The following FCHO1 variants were observed in gnomAD, a reference collection of about 807,000 sequenced individuals.
FCHO1 encodes the protein FCH and mu domain containing endocytic adaptor 1.
FCHO1 carries 45 observed loss-of-function variants against 114.4 expected under a neutral mutation model. The ratio of observed to expected loss-of-function variants is 0.39; its 90% confidence interval spans 0.31 to 0.50. FCHO1 has a LOEUF of 0.50. Ranked by LOEUF, FCHO1 falls within the 20% of genes least tolerant of loss-of-function variation. FCHO1 has a pLI of 0.77. For missense variants in FCHO1, 1,042 were observed against 1,209.6 expected (o/e 0.86, Z 2.06); for synonymous variants, 480 against 488.9 (o/e 0.98, Z 0.24).
intron 27 of FCHO1, 101 bp downstream of exon 27, chr19:17,786,730 G>A: frequency 8.0e-7 from 1 of 1,249,794 alleles, no homozygotes; most frequent in African/African-American, 1.5e-5. Context: ...CTGAGGGCGG[G>A]CAAGTATGGG....
chr19:17,749,677 T>A (rs960303338), upstream of FCHO1, among the ~76,000 whole-genome samples: 1 of 152,094 alleles, frequency 6.6e-6, no homozygotes, highest in Admixed American at 6.6e-5. Flanking sequence ...CGTGTCTCAG[T>A]TTCCCCATCG....
intron 1 of FCHO1, among the ~76,000 whole-genome samples, chr19:17,753,082 CA>C (rs901302759): frequency 2.1e-3 from 281 of 136,844 alleles, no homozygotes; most frequent in Middle Eastern, 3.8e-3. Context: ...ACCCTGTCTC[CA>C]AAAAAAAAAA....
chr19:17,749,921 G>T (rs1034513222), upstream of FCHO1, among the ~76,000 whole-genome samples: 7 of 152,174 alleles, frequency 4.6e-5, no homozygotes, highest in Non-Finnish European at 7.4e-5. Context: ...GGAAATGTGA[G>T]ATCCTGTTTC....
rs2093558230 is a variant in FCHO1, at chr19:17,782,923, G to A, written c.1938-94G>A. On this transcript the variant is annotated intron_variant, in intron 23 of 28. Coordinates refer to ENST00000596536, the MANE Select transcript of FCHO1 (RefSeq NM_015122.3). Reference sequence around the variant, plus strand: ...CATCCTCCTAGATCCGAGGAGTCTGGGGAGCCACAGGCACCAGTGAAACCA... The same window carrying A: ...CATCCTCCTAGATCCGAGGAGTCTGAGGAGCCACAGGCACCAGTGAAACCA... 1.5e-5 allele frequency: 22 copies of A among 1,422,564 alleles called. No homozygotes were observed. In the South Asian group the frequency reaches 2.9e-4, roughly 19 times the overall value. 88.1% of individuals were successfully genotyped at this position (1,422,564 alleles called of 1,614,324 possible).
At position 17,776,187 on chromosome 19, in the gene FCHO1, G is replaced by A. The variant is rs367762566; in HGVS notation, c.1182+26G>A. ...GTGAGGCGTGGGAGGGGTGCCCTGG[G>A]TGTTGCTAGAGAGGCTGGCTGGATG... On this transcript the variant is annotated intron_variant, in intron 16 of 28. Coordinates refer to ENST00000596536, the MANE Select transcript of FCHO1 (RefSeq NM_015122.3). This position sits in a 1 kb window ranked among gnomAD's most constrained non-coding sequence, Gnocchi z 4.4. The A allele has an allele frequency of 5.0e-6, 8 of 1,613,990 alleles. No homozygotes were observed. Among genetic ancestry groups the A allele is most frequent in the East Asian group, 2.2e-5 (1 of 44,894 alleles).
chr19:17,757,641 C>A (rs983837140), intron 4 of FCHO1, among the ~76,000 whole-genome samples: 1 of 152,108 alleles, frequency 6.6e-6, no homozygotes, highest in African/African-American at 2.4e-5. Flanking sequence ...ATAGGTGGAG[C>A]GTGGTAGCTC....
intron 7 of FCHO1, 124 bp from the exon 8 acceptor site, chr19:17,770,301 A>T (rs1302578023): frequency 4.3e-5 from 44 of 1,013,530 alleles, no homozygotes; most frequent in Non-Finnish European, 5.2e-5. Flanking sequence ...AACTCTGTCT[A>T]AAAAAAACCA....
intron 5 of FCHO1, among the ~76,000 whole-genome samples, chr19:17,763,822 C>T (rs951866228): frequency 2.6e-5 from 4 of 152,168 alleles, no homozygotes; most frequent in Admixed American, 2.0e-4. Context: ...CTCGGCCTCC[C>T]AAAGTGCTGG....
intron 6 of FCHO1, 76 bp downstream of exon 6, chr19:17,764,525 C>A: frequency 2.4e-6 from 3 of 1,235,774 alleles, no homozygotes; most frequent in Non-Finnish European, 3.4e-6. Context: ...ACACTCGGTG[C>A]ATGTAGAATA....
intron 20 of FCHO1, among the ~76,000 whole-genome samples, chr19:17,779,538 G>A (rs2093110117): frequency 6.6e-6 from 1 of 150,998 alleles, no homozygotes; most frequent in Admixed American, 6.6e-5. Flanking sequence ...AGTAAGGATG[G>A]GGAAGGAGCG....
At chr19:17,767,133 T>C (rs2089556537) in intron 7 of FCHO1, among the ~76,000 whole-genome samples, 1 of 144,324 alleles carries the variant, frequency 6.9e-6, no homozygotes, top group Non-Finnish European at 1.5e-5. Flanking sequence ...GTCACCCACA[T>C]GCAGTGGCGT....
At position 17,776,914 on chromosome 19, in the gene FCHO1, C is replaced by T. The variant is rs1334232577; in HGVS notation, c.1259+228C>T. ...CTGAGTTCAAGCGATTTTCATGCCT[C>T]AGCCTCCTAAGTAGCTGAGATTACA... On this transcript the variant is annotated intron_variant, in intron 18 of 28. Transcript: ENST00000596536. This position sits in a 1 kb window ranked among gnomAD's most constrained non-coding sequence, Gnocchi z 4.4. Among the ~76,000 whole-genome samples, 6 of 152,102 alleles carry T rather than the reference C, an allele frequency of 3.9e-5. No individual in the cohort carries two copies. The highest frequency in any genetic ancestry group is 9.7e-5 in the African/African-American group (4 of 41,426).
At chr19:17,766,888 G>GT in intron 7 of FCHO1, 78 bp downstream of exon 7, 1 of 1,483,282 alleles carries the variant, frequency 6.7e-7, no homozygotes, top group Non-Finnish European at 9.2e-7. Flanking sequence ...ATCTTCTGGG[G>GT]CTTTATAACC....
At chr19:17,764,698 C>T (rs922063427) in intron 6 of FCHO1, among the ~76,000 whole-genome samples, 1 of 152,190 alleles carries the variant, frequency 6.6e-6, no homozygotes, top group African/African-American at 2.4e-5. Flanking sequence ...CACCTTCATG[C>T]AATGTACATC....
upstream of FCHO1, among the ~76,000 whole-genome samples, chr19:17,749,743 G>C (rs2081449730): frequency 2.0e-5 from 3 of 152,160 alleles, no homozygotes; most frequent in Admixed American, 6.5e-5. Context: ...AATCAAGCCA[G>C]ATTGTCTGTG....
chr19:17,760,537 G>A (rs1384566051), intron 4 of FCHO1, among the ~76,000 whole-genome samples: 1 of 152,094 alleles, frequency 6.6e-6, no homozygotes, highest in Non-Finnish European at 1.5e-5. Context: ...AATGTCTTTG[G>A]GGAAGAAGCA....
intron 11 of FCHO1, among the ~76,000 whole-genome samples, chr19:17,773,166 T>C (rs2092002620): frequency 6.6e-6 from 1 of 152,234 alleles, no homozygotes; most frequent in Non-Finnish European, 1.5e-5. Flanking sequence ...GATGCAGGAC[T>C]GGGAAGGAGT....
At chr19:17,773,653 C>T (rs1033854192) in intron 11 of FCHO1, among the ~76,000 whole-genome samples, 19 of 152,184 alleles carry the variant, frequency 1.2e-4, no homozygotes, top group African/African-American at 4.6e-4. Context: ...CGACCCAACC[C>T]AAGTTCCAGC....
At chr19:17,781,405 A>C in intron 21 of FCHO1, 47 bp from the exon 22 acceptor site, 1 of 1,611,146 alleles carries the variant, frequency 6.2e-7, no homozygotes, top group Non-Finnish European at 8.5e-7. Flanking sequence ...GCTTTTGGGC[A>C]CTGGTCCTGG....
Sources: gnomAD v4.1 joint callset for allele counts (sites outside exome capture counted in the v4.1 genomes callset) on GRCh38, gnomAD v4.1.1 for gene constraint, Gnocchi (gnomAD v3.1) non-coding constraint, MANE v1.5 for transcripts, NCBI Gene and HGNC (gene_info 2026-07-23, HGNC 2026-07-21) for gene names.